GLIS3: variants seen among roughly 807,000 people sequenced by gnomAD.
GLIS3 encodes the protein GLIS family zinc finger 3.
In GLIS3, 53 loss-of-function variants were observed where a neutral mutation model predicts 78.6. That is an observed-to-expected ratio of 0.67 (90% CI 0.54 to 0.85). The LOEUF is 0.85. GLIS3 is among the 40% of genes least tolerant of loss of function. The probability of loss-of-function intolerance (pLI) is 0.00; values close to 1 mark genes in which losing one functional copy is unlikely to be tolerated. For synonymous variants in GLIS3, 684 were observed against 509.9 expected, an observed-to-expected ratio of 1.34 and a Z score of -4.60; for missense variants, 1,703 against 1,231.1, an observed-to-expected ratio of 1.38 and a Z score of -5.74.
In GLIS3 at chr9:4,335,169, A is replaced by C. The variant is rs1475111798; in HGVS notation, n.264+11912T>G. Among the ~76,000 whole-genome samples the C allele has an allele frequency of 2.0e-5, 3 of 152,152 alleles. No individual in the cohort carries two copies. The East Asian group carries it at 5.8e-4, about 29-fold the overall frequency. On this transcript the variant is annotated intron_variant and non_coding_transcript_variant, in intron 2 of 4. Coordinates refer to the GLIS3 transcript ENST00000471664. ...GTGATCCACCCGCCTTGGCATCCCA[A>C]AGTGCTGGGATTACAGGCATGAGCC...
intron 4 of GLIS3, among the ~76,000 whole-genome samples, chr9:3,943,618 C>T (rs58599261): frequency 0.03 from 4,549 of 152,252 alleles, 206 homozygotes; most frequent in African/African-American, 0.099. Flanking sequence ...TCAGTGTAAC[C>T]CAAACTGAGT....
chr9:3,839,661 C>T (rs893958672), intron 9 of GLIS3, among the ~76,000 whole-genome samples: 6 of 151,832 alleles, frequency 4.0e-5, no homozygotes, highest in Non-Finnish European at 8.8e-5. Context: ...AGAACCAGGA[C>T]TCAAATTTTT....
chr9:3,974,286 G>C (rs1818606862), intron 4 of GLIS3, among the ~76,000 whole-genome samples: 1 of 152,088 alleles, frequency 6.6e-6, no homozygotes, highest in Non-Finnish European at 1.5e-5. Context: ...AAGAGACTAT[G>C]GTTTAGTTTT....
At chr9:3,933,599 G>A (rs989358818) in intron 5 of GLIS3, among the ~76,000 whole-genome samples, 1 of 152,162 alleles carries the variant, frequency 6.6e-6, no homozygotes. Context: ...GTCTCATCAA[G>A]TAAGGTAATA....
chr9:3,854,573 G>T (rs1285371793), intron 9 of GLIS3, among the ~76,000 whole-genome samples: 1 of 149,260 alleles, frequency 6.7e-6, no homozygotes, highest in Non-Finnish European at 1.5e-5. Flanking sequence ...GTCTCGCTCT[G>T]TCACCCTGGC....
intron 2 of GLIS3, among the ~76,000 whole-genome samples, chr9:4,214,141 C>T (rs1338934240): frequency 6.6e-6 from 1 of 152,164 alleles, no homozygotes; most frequent in Non-Finnish European, 1.5e-5. Context: ...AAACAAAACT[C>T]ATGGTGAAAG....
chr9:3,953,534 A>C (rs1816838025), intron 4 of GLIS3, among the ~76,000 whole-genome samples: 2 of 152,152 alleles, frequency 1.3e-5, no homozygotes, highest in Admixed American at 1.3e-4. Context: ...TTGTTTCTTC[A>C]AACAATGACA....
intron 2 of GLIS3, among the ~76,000 whole-genome samples, chr9:4,131,231 T>C (rs1337220072): frequency 6.6e-6 from 1 of 152,340 alleles, no homozygotes; most frequent in South Asian, 2.1e-4. Context: ...TAGCCTTGTC[T>C]CAGATGAATC....
At chr9:4,483,529 C>T in the GLIS3 span, among the ~76,000 whole-genome samples, 2 of 151,934 alleles carry the variant, frequency 1.3e-5, no homozygotes, top group East Asian at 1.9e-4. Context: ...ACCAGCCTGA[C>T]CAACATGGTG....
At chr9:4,307,486 A>G (rs1425765327) in intron 4 of GLIS3, among the ~76,000 whole-genome samples, 1 of 151,144 alleles carries the variant, frequency 6.6e-6, no homozygotes, top group Non-Finnish European at 1.5e-5. Flanking sequence ...ACCTCCTCTT[A>G]CTCTGTGAGG....
rs549944566 is a variant in GLIS3, at chr9:4,067,673, A to G, written c.1710+50095T>C. The stretch of plus-strand genomic sequence containing the variant: ...CACTCACAAAGGGGGAACTCCAAAG[A>G]CAGTATAGAGATGAAAAACAGATTT... On this transcript the variant is annotated intron_variant, in intron 4 of 10. Coordinates refer to ENST00000381971, the MANE Select transcript of GLIS3 (RefSeq NM_001042413.2). Among the ~76,000 whole-genome samples, 421 of 152,324 alleles carry G rather than the reference A, an allele frequency of 2.8e-3. 2 individuals are homozygous for G. The highest frequency in any genetic ancestry group is 9.7e-3 in the African/African-American group (404 of 41,584).
At chr9:4,105,979 T>C (rs1830720720) in intron 4 of GLIS3, among the ~76,000 whole-genome samples, 1 of 152,140 alleles carries the variant, frequency 6.6e-6, no homozygotes, top group African/African-American at 2.4e-5. Context: ...ATAATTACAA[T>C]AAACTCAATC....
the GLIS3 span, among the ~76,000 whole-genome samples, chr9:4,472,409 A>G: frequency 6.6e-6 from 1 of 152,262 alleles, no homozygotes; most frequent in Non-Finnish European, 1.5e-5. Flanking sequence ...CATATACATC[A>G]TGGAATACTA....
the GLIS3 span, among the ~76,000 whole-genome samples, chr9:4,356,839 C>CA: frequency 7.1e-3 from 1,076 of 152,260 alleles, 16 homozygotes; most frequent in African/African-American, 0.024. Context: ...AAATGCCCAC[C>CA]AATGTTTGCA....
chr9:4,276,064 CT>C (rs1251304784), intron 2 of GLIS3, among the ~76,000 whole-genome samples: 16 of 151,768 alleles, frequency 1.1e-4, no homozygotes, highest in African/African-American at 3.9e-4. Flanking sequence ...AGATGGATCA[CT>C]TTGAGCTCAG....
At chr9:4,439,592 T>G in the GLIS3 span, among the ~76,000 whole-genome samples, 1 of 152,162 alleles carries the variant, frequency 6.6e-6, no homozygotes, top group Non-Finnish European at 1.5e-5. Context: ...ACCACCCCAG[T>G]TTCTGGTAAA....
intron 2 of GLIS3, among the ~76,000 whole-genome samples, chr9:4,129,328 G>C (rs964482623): frequency 2.0e-5 from 3 of 152,146 alleles, no homozygotes; most frequent in African/African-American, 7.2e-5. Context: ...GCCAAACAGG[G>C]ATAAAGTTAA....
chr9:4,050,680 A>G (rs944269042), intron 4 of GLIS3, among the ~76,000 whole-genome samples: 40 of 152,188 alleles, frequency 2.6e-4, no homozygotes, highest in Non-Finnish European at 4.4e-5. Context: ...AGAACACGCT[A>G]TGTCATGTTA....
chr9:4,388,818 A>T, the GLIS3 span, among the ~76,000 whole-genome samples: 1 of 152,240 alleles, frequency 6.6e-6, no homozygotes, highest in Non-Finnish European at 1.5e-5. Context: ...AAGTATTTGA[A>T]TTAATAATAG....
Sources: gnomAD v4.1 joint callset for allele counts (sites outside exome capture counted in the v4.1 genomes callset) on GRCh38, gnomAD v4.1.1 for gene constraint, MANE v1.5 for transcripts, NCBI Gene and HGNC (gene_info 2026-07-23, HGNC 2026-07-21) for gene names.